The following SGCZ variants were observed in gnomAD, a reference collection of about 807,000 sequenced individuals.
SGCZ encodes the protein zeta-sarcoglycan.
In SGCZ, 40 loss-of-function variants were observed where a neutral mutation model predicts 41.3. The observed-to-expected ratio is 0.97, with a 90% CI of 0.75 to 1.26. The LOEUF is 1.26. Among genes scored for constraint, SGCZ ranks in the 50% most tolerant of loss-of-function variants. The pLI is 0.00. For missense variants in SGCZ, 552 were observed against 369.8 expected, an observed-to-expected ratio of 1.49 and a Z score of -4.04; for synonymous variants, 206 against 137.5, an observed-to-expected ratio of 1.50 and a Z score of -3.49.
At chr8:14,691,006 A>G (rs961637425) in intron 1 of SGCZ, among the ~76,000 whole-genome samples, 1 of 152,180 alleles carries the variant, frequency 6.6e-6, no homozygotes, top group African/African-American at 2.4e-5. Context: ...TTCAACCTAC[A>G]TTCTGTGAAA....
chr8:14,443,706 T>C (rs932367952), intron 2 of SGCZ, among the ~76,000 whole-genome samples: 2 of 151,928 alleles, frequency 1.3e-5, no homozygotes, highest in African/African-American at 2.4e-5. Context: ...ACCATAAAAA[T>C]CCTAGAAGAA....
Position 15,186,262 on chromosome 8 carries a change from C to CAAAAAA in SGCZ, c.39+51317_39+51322dup, listed in dbSNP as rs61237091. ...GGGCAACAGAGGGAAGATTCCGTAC[C>CAAAAAA]AAAAAAAAAAAAAAAAAAAAAAAAA... On this transcript the variant is annotated intron_variant, in intron 1 of 7. Coordinates refer to ENST00000382080, the MANE Select transcript of SGCZ (RefSeq NM_139167.4). Among the ~76,000 whole-genome samples the CAAAAAA allele has an allele frequency of 4.2e-4, 34 of 80,712 alleles. 3 individuals carry two copies. Among genetic ancestry groups the CAAAAAA allele is most frequent in the African/African-American group, 8.4e-4 (13 of 15,440 alleles). The allele number at this position is 80,712 out of a possible 152,430, so 53.0% of individuals were successfully genotyped here.
intron 1 of SGCZ, among the ~76,000 whole-genome samples, chr8:14,730,075 G>C (rs1810185590): frequency 6.6e-6 from 1 of 152,150 alleles, no homozygotes; most frequent in Admixed American, 6.5e-5. Flanking sequence ...GACAGACTGA[G>C]ACAGCGTCTC....
chr8:14,944,022 G>A (rs529746039), intron 1 of SGCZ, among the ~76,000 whole-genome samples: 1 of 151,974 alleles, frequency 6.6e-6, no homozygotes, highest in Non-Finnish European at 1.5e-5. Context: ...TGGGCATTTA[G>A]GTGAATTCCA....
intron 1 of SGCZ, among the ~76,000 whole-genome samples, chr8:14,725,368 T>A (rs1810015986): frequency 6.6e-6 from 1 of 152,192 alleles, no homozygotes; most frequent in Non-Finnish European, 1.5e-5. Context: ...AATTGCTGGA[T>A]CATATGGTTG....
rs770034093 is a variant in SGCZ, at chr8:14,090,584, G to A, written c.798C>T (p.Phe266=). Residue 266 remains phenylalanine (F), a synonymous_variant, in exon 8 of 8, where the codon TTC becomes TTT. Transcript: ENST00000382080. ...TTGAGGAGCTGGGTGAAGAAGATGA[G>A]AAGGAGCCAGTTGGTAGATTTCCCA... ...IKLGNLPTGS[F]SSSSPSSSSS... is the part of the protein sequence containing the mutation. The A allele has an allele frequency of 1.2e-6, 2 of 1,612,720 alleles. No individual in the cohort carries two copies. The highest frequency in any genetic ancestry group is 1.7e-6 in the Non-Finnish European group (2 of 1,179,416).
intron 2 of SGCZ, among the ~76,000 whole-genome samples, chr8:14,410,790 T>C (rs918241800): frequency 6.6e-6 from 1 of 152,022 alleles, no homozygotes; most frequent in Non-Finnish European, 1.5e-5. Flanking sequence ...CAAAAACCAA[T>C]GAAACGAACA....
rs548343935 is a variant in SGCZ, at chr8:14,578,792, T to A, written c.40-23866A>T. ...AAAATCCTGGCATATAAGGGTCTAG[T>A]ATAGTCATTAAGACATTGTCTCTCT... On this transcript the variant is annotated intron_variant, in intron 1 of 7. Transcript: ENST00000382080. 2.3e-4 allele frequency among the ~76,000 whole-genome samples: 35 copies of A among 152,330 alleles called. 1 individual carries two copies. The South Asian group carries it at 7.0e-3, about 31-fold the overall frequency.
chr8:14,781,704 T>C (rs1030334578), intron 1 of SGCZ, among the ~76,000 whole-genome samples: 2 of 152,204 alleles, frequency 1.3e-5, no homozygotes, highest in Admixed American at 1.3e-4. Flanking sequence ...ATAAATCTCA[T>C]AAATTGAAAA....
At chr8:14,156,947 A>G (rs1015563711) in intron 5 of SGCZ, among the ~76,000 whole-genome samples, 7 of 152,214 alleles carry the variant, frequency 4.6e-5, no homozygotes, top group Non-Finnish European at 8.8e-5. Context: ...TTATAAGTAG[A>G]AAGAGTATAA....
chr8:14,977,466 TACTAC>T (rs2130874324), intron 1 of SGCZ, among the ~76,000 whole-genome samples: 1 of 152,338 alleles, frequency 6.6e-6, no homozygotes, highest in African/African-American at 2.4e-5. Context: ...TTTATCTAAC[TACTAC>T]ATTACTTTCT....
chr8:14,763,831 T>A (rs946828869), intron 1 of SGCZ, among the ~76,000 whole-genome samples: 2 of 152,202 alleles, frequency 1.3e-5, no homozygotes, highest in Non-Finnish European at 2.9e-5. Flanking sequence ...TTGTATATTA[T>A]AAGTGAATAA....
chr8:14,534,383 C>T (rs915053514), intron 2 of SGCZ, among the ~76,000 whole-genome samples: 1 of 151,994 alleles, frequency 6.6e-6, no homozygotes, highest in Non-Finnish European at 1.5e-5. Context: ...AAATTAGTGA[C>T]TATTTCTTCT....
chr8:14,190,108 GT>G (rs1219057767), intron 4 of SGCZ, among the ~76,000 whole-genome samples: 9 of 144,878 alleles, frequency 6.2e-5, no homozygotes. Context: ...CGCCTCTGGG[GT>G]TCACGCCATT....
chr8:14,535,313 G>T (rs1366231777), intron 2 of SGCZ, among the ~76,000 whole-genome samples: 1 of 150,760 alleles, frequency 6.6e-6, no homozygotes, highest in African/African-American at 2.4e-5. Context: ...TCCATGAACA[G>T]GAAAAAAAAA....
intron 2 of SGCZ, among the ~76,000 whole-genome samples, chr8:14,412,186 C>G (rs1224837392): frequency 6.6e-6 from 1 of 152,028 alleles, no homozygotes; most frequent in East Asian, 1.9e-4. Context: ...GCTTTAGTCT[C>G]ACAGACCGGA....
At chr8:14,968,552 T>C (rs941920106) in intron 1 of SGCZ, among the ~76,000 whole-genome samples, 1 of 152,068 alleles carries the variant, frequency 6.6e-6, no homozygotes, top group Non-Finnish European at 1.5e-5. Flanking sequence ...AAGGGCAAGA[T>C]AGATCACTCA....
chr8:14,905,081 C>T (rs1319960726), intron 1 of SGCZ, among the ~76,000 whole-genome samples: 1 of 151,988 alleles, frequency 6.6e-6, no homozygotes, highest in East Asian at 1.9e-4. Context: ...CCTATACTCA[C>T]TTCCCAGTCA....
chr8:14,922,161 G>A (rs944966264), intron 1 of SGCZ, among the ~76,000 whole-genome samples: 3 of 151,958 alleles, frequency 2.0e-5, no homozygotes, highest in South Asian at 2.1e-4. Flanking sequence ...AACCAGCTGT[G>A]TAAAAGATGA....
Sources: allele counts gnomAD v4.1 joint callset (sites outside exome capture counted in the v4.1 genomes callset), GRCh38; gene constraint gnomAD v4.1.1; transcripts MANE v1.5; gene names NCBI Gene and HGNC (gene_info 2026-07-23, HGNC 2026-07-21).